The following C7orf33 variants were observed in gnomAD, a reference collection of about 807,000 sequenced individuals.
C7orf33 encodes the protein chromosome 7 open reading frame 33, also known as uncharacterized protein C7orf33.
A neutral mutation model predicts 13.4 loss-of-function variants in C7orf33; 15 were observed. The observed-to-expected ratio is 1.12, with a 90% CI of 0.75 to 1.72. The LOEUF (loss-of-function observed/expected upper bound fraction) is 1.72, where lower values mean the gene tolerates loss of function less well. C7orf33 is among the 40% of genes most tolerant of loss of function. C7orf33 has a pLI of 0.00. For synonymous variants in C7orf33, 73 were observed against 83.2 expected (o/e 0.88, Z 0.67); for missense variants, 187 against 220.3 (o/e 0.85, Z 0.96).
At chr7:148,609,103 GA>G (rs59392988) in intron 1 of C7orf33, among the ~76,000 whole-genome samples, 12,617 of 131,204 alleles carry the variant, frequency 0.096, 989 homozygotes, top group African/African-American at 0.24. Flanking sequence ...ACGTTATTTT[GA>G]AAAAAAAAAA....
chr7:148,597,905 G>A (rs1021154109), intron 1 of C7orf33, among the ~76,000 whole-genome samples: 8 of 152,116 alleles, frequency 5.3e-5, no homozygotes, highest in Non-Finnish European at 1.0e-4. Context: ...ACAGGTGCCT[G>A]CCACCATGCC....
At chr7:148,603,717 A>G (rs1796442345) in intron 1 of C7orf33, among the ~76,000 whole-genome samples, 2 of 152,304 alleles carry the variant, frequency 1.3e-5, no homozygotes, top group South Asian at 2.1e-4. Flanking sequence ...GCACCAGAAA[A>G]TAAGTCATTT....
chr7:148,596,785 T>A (rs898117131), intron 1 of C7orf33, among the ~76,000 whole-genome samples: 1 of 152,120 alleles, frequency 6.6e-6, no homozygotes, highest in Non-Finnish European at 1.5e-5. Flanking sequence ...CTGTGCTCCA[T>A]CTGTTCCTCC....
At chr7:148,604,931 TA>T (rs1237647336) in intron 1 of C7orf33, among the ~76,000 whole-genome samples, 2 of 151,976 alleles carry the variant, frequency 1.3e-5, no homozygotes, top group East Asian at 3.9e-4. Context: ...AAAACATGAA[TA>T]AAAAAACTCC....
intron 1 of C7orf33, among the ~76,000 whole-genome samples, chr7:148,606,933 T>TAC (rs112000703): frequency 0.021 from 2,884 of 139,274 alleles, 75 homozygotes; most frequent in African/African-American, 0.066. Flanking sequence ...AAAAAAAAAA[T>TAC]ACACACACAC....
intron 1 of C7orf33, among the ~76,000 whole-genome samples, chr7:148,606,484 A>T (rs968275607): frequency 2.6e-5 from 4 of 152,206 alleles, no homozygotes; most frequent in African/African-American, 9.7e-5. Flanking sequence ...CCACTTTGAG[A>T]AACATTGATA....
At chr7:148,612,787 A>T (rs1321794018) in intron 1 of C7orf33, among the ~76,000 whole-genome samples, 1 of 151,852 alleles carries the variant, frequency 6.6e-6, no homozygotes, top group Non-Finnish European at 1.5e-5. Flanking sequence ...ATGCATTGCC[A>T]GTGGGAATAC....
chr7:148,608,627 C>A lies in C7orf33; in HGVS notation c.205-5415C>A, dbSNP rs892151790. On this transcript the variant is annotated intron_variant, in intron 1 of 2. Transcript: ENST00000307003. The stretch of plus-strand genomic sequence containing the variant: ...GTCAGGAGATCGAGACCATCCTGGC[C>A]AACATGGAGAAACCCCGTCTCTACT... 5.3e-5 allele frequency among the ~76,000 whole-genome samples: 8 copies of A among 151,946 alleles called. 1 individual carries two copies. The highest frequency in any genetic ancestry group is 4.6e-4 in the Admixed American group (7 of 15,256).
chr7:148,612,175 CT>C (rs1473565245), intron 1 of C7orf33, among the ~76,000 whole-genome samples: 1 of 152,170 alleles, frequency 6.6e-6, no homozygotes, highest in Admixed American at 6.5e-5. Flanking sequence ...TGACAGAGAT[CT>C]TTGTAGTCAA....
intron 1 of C7orf33, among the ~76,000 whole-genome samples, chr7:148,596,571 G>A (rs116237757): frequency 0.013 from 1,937 of 152,208 alleles, 33 homozygotes; most frequent in African/African-American, 0.044. Flanking sequence ...TGAGAAAGAC[G>A]CAAAAGCAGA....
intron 1 of C7orf33, among the ~76,000 whole-genome samples, chr7:148,609,370 G>A (rs1796511047): frequency 1.3e-5 from 2 of 152,170 alleles, no homozygotes; most frequent in South Asian, 4.1e-4. Context: ...CAATGGCAGG[G>A]CATATGGGCC....
chr7:148,593,241 C>T (rs1796288917), intron 1 of C7orf33, among the ~76,000 whole-genome samples: 1 of 152,034 alleles, frequency 6.6e-6, no homozygotes, highest in African/African-American at 2.4e-5. Flanking sequence ...TTCCAAAGCT[C>T]AGAATGTTCT....
At chr7:148,601,914 AT>A (rs901314427) in intron 1 of C7orf33, among the ~76,000 whole-genome samples, 3 of 151,056 alleles carry the variant, frequency 2.0e-5, no homozygotes, top group African/African-American at 7.4e-5. Flanking sequence ...TGCCCAGCTG[AT>A]TTTTTTTATT....
chr7:148,615,331 G>C lies in C7orf33; in HGVS notation c.464G>C (p.Arg155Pro). ...GTCTTCGTAATCCACATGTAGGTAC[G>C]TGGGCATGAAGTAAGAAAGCTCCAG... ...RTVTSSYLNV[R>P]GHEVRKLQNS... Residue 155 changes from arginine to proline, a missense_variant, in exon 3 of 3, where the codon CGT (arginine) becomes CCT (proline). Transcript: ENST00000307003. 3 of 1,608,602 alleles carry C rather than the reference G, an allele frequency of 1.9e-6. No homozygotes were observed. Among genetic ancestry groups the C allele is most frequent in the Non-Finnish European group, 2.6e-6 (3 of 1,175,062 alleles).
intron 1 of C7orf33, among the ~76,000 whole-genome samples, chr7:148,595,050 T>G (rs994628953): frequency 5.3e-5 from 8 of 151,884 alleles, no homozygotes; most frequent in African/African-American, 1.7e-4. Context: ...AGCTTTTCAC[T>G]TAATAGTTTC....
intron 1 of C7orf33, among the ~76,000 whole-genome samples, chr7:148,603,182 G>A (rs745955415): frequency 1.3e-5 from 2 of 152,270 alleles, no homozygotes; most frequent in African/African-American, 2.4e-5. Context: ...GGTTCCTAGC[G>A]GTGGCAGAAC....
At position 148,591,134 on chromosome 7, in the gene C7orf33, G is replaced by A. The variant is rs1161887677; in HGVS notation, c.204+5G>A. 3.7e-6 allele frequency: 6 copies of A among 1,610,778 alleles called. No homozygotes were observed. Among genetic ancestry groups the A allele is most frequent in the South Asian group, 1.1e-5 (1 of 90,840 alleles). On this transcript the variant is annotated splice_donor_5th_base_variant and intron_variant, in intron 1 of 2. Coordinates refer to ENST00000307003, the MANE Select transcript of C7orf33 (RefSeq NM_145304.4). ...TATGCCACGGGAAGACATAAGGTAA[G>A]TTAATGATTCTAAGATGAATCAACT... is the stretch of plus-strand genomic sequence containing the variant.
chr7:148,611,077 T>C (rs916600349), intron 1 of C7orf33, among the ~76,000 whole-genome samples: 1 of 152,156 alleles, frequency 6.6e-6, no homozygotes, highest in African/African-American at 2.4e-5. Context: ...AGCGTGCTCC[T>C]TGCCAGACTG....
chr7:148,597,202 C>T (rs553634763), intron 1 of C7orf33, among the ~76,000 whole-genome samples: 3 of 151,230 alleles, frequency 2.0e-5, no homozygotes, highest in South Asian at 2.1e-4. Flanking sequence ...ATATATAATA[C>T]ATACATATAT....
Sources: allele counts gnomAD v4.1 joint callset (sites outside exome capture counted in the v4.1 genomes callset), GRCh38; gene constraint gnomAD v4.1.1; transcripts MANE v1.5; gene names NCBI Gene and HGNC (gene_info 2026-07-23, HGNC 2026-07-21).